Variants in CDH8 observed in about 807,000 individuals in gnomAD.
CDH8 encodes the protein cadherin-8.
In CDH8, 17 loss-of-function variants were observed where a neutral mutation model predicts 68.1. The observed-to-expected ratio is 0.25, with a 90% confidence interval of 0.17 to 0.37. The LOEUF (loss-of-function observed/expected upper bound fraction) is 0.37. CDH8 is among the 10% of genes least tolerant of loss of function. The probability of loss-of-function intolerance (pLI) is 1.00; values close to 1 mark genes in which losing one functional copy is unlikely to be tolerated. For missense variants in CDH8, 763 were observed against 999.3 expected (o/e 0.76, Z 3.19); for synonymous variants, 372 against 365.1 (o/e 1.02, Z -0.21).
chr16:61,978,429 G>C (rs1965477178), intron 2 of CDH8, among the ~76,000 whole-genome samples: 1 of 152,092 alleles, frequency 6.6e-6, no homozygotes, highest in South Asian at 2.1e-4. Flanking sequence ...TTTTGTTTTT[G>C]TATAGCAAAC....
At chr16:61,911,197 T>G (rs80211844) in intron 2 of CDH8, among the ~76,000 whole-genome samples, 2 of 151,932 alleles carry the variant, frequency 1.3e-5, no homozygotes, top group South Asian at 4.2e-4. Context: ...AATGGATGGA[T>G]AGATAGATGG....
chr16:61,825,717 CTT>C (rs1962316860), intron 4 of CDH8, among the ~76,000 whole-genome samples: 1 of 151,808 alleles, frequency 6.6e-6, no homozygotes, highest in South Asian at 2.1e-4. Context: ...AGTCAAGTGT[CTT>C]AAGTTCTAAT....
intron 2 of CDH8, among the ~76,000 whole-genome samples, chr16:61,964,173 A>G (rs1176833452): frequency 6.6e-6 from 1 of 152,254 alleles, no homozygotes; most frequent in Non-Finnish European, 1.5e-5. Flanking sequence ...AAATGTCTAA[A>G]GACCAAAACA....
chr16:61,710,824 G>A (rs937558324), intron 10 of CDH8: 2 of 151,900 alleles, frequency 1.3e-5, no homozygotes, highest in African/African-American at 4.8e-5. Context: ...AGATATTTTA[G>A]AATCTCTAAA....
intron 8 of CDH8, among the ~76,000 whole-genome samples, chr16:61,738,323 G>A (rs1040970943): frequency 1.3e-5 from 2 of 152,022 alleles, no homozygotes; most frequent in African/African-American, 2.4e-5. Flanking sequence ...TATTACATTC[G>A]TCTTCAGTGA....
At chr16:61,794,108 A>G (rs1435813799) in intron 7 of CDH8, among the ~76,000 whole-genome samples, 1 of 152,200 alleles carries the variant, frequency 6.6e-6, no homozygotes, top group South Asian at 2.1e-4. Flanking sequence ...AAAGCCAGAG[A>G]ATAAAAGCTT....
chr16:61,676,308 A>G (rs1963909795), intron 10 of CDH8, among the ~76,000 whole-genome samples: 1 of 151,836 alleles, frequency 6.6e-6, no homozygotes, highest in Non-Finnish European at 1.5e-5. Context: ...AGGAAGCTGA[A>G]GTGGCTATAT....
intron 2 of CDH8, among the ~76,000 whole-genome samples, chr16:62,010,964 C>G (rs1901795895): frequency 6.6e-6 from 1 of 151,234 alleles, no homozygotes; most frequent in South Asian, 2.1e-4. Flanking sequence ...AACAAACCCT[C>G]TTTTTCTCCC....
chr16:61,682,295 T>G (rs966849791), intron 10 of CDH8, among the ~76,000 whole-genome samples: 1 of 151,932 alleles, frequency 6.6e-6, no homozygotes, highest in Admixed American at 6.6e-5. Flanking sequence ...ATAGTAATTT[T>G]ATTGTATTTT....
At chr16:61,818,279 G>A (rs189805931) in intron 6 of CDH8, among the ~76,000 whole-genome samples, 79 of 152,078 alleles carry the variant, frequency 5.2e-4, no homozygotes, top group African/African-American at 1.8e-3. Flanking sequence ...TTAAAGCATT[G>A]CTACTCTACT....
At chr16:61,782,953 A>T (rs1487517121) in intron 8 of CDH8, among the ~76,000 whole-genome samples, 5 of 151,938 alleles carry the variant, frequency 3.3e-5, no homozygotes, top group Non-Finnish European at 5.9e-5. Flanking sequence ...CCATCATCAA[A>T]GACCAAAAGT....
At chr16:62,014,546 CA>C (rs1234608550) in intron 2 of CDH8, among the ~76,000 whole-genome samples, 2 of 152,126 alleles carry the variant, frequency 1.3e-5, no homozygotes, top group African/African-American at 4.8e-5. Context: ...AAACAGCCAG[CA>C]AAAAATAATG....
intron 3 of CDH8, among the ~76,000 whole-genome samples, chr16:61,875,396 G>A (rs1963441346): frequency 6.6e-6 from 1 of 152,028 alleles, no homozygotes; most frequent in Non-Finnish European, 1.5e-5. Context: ...CAAACTCTGA[G>A]GGCAAGACCC....
At chr16:61,712,751 T>G (rs1428284316) in intron 10 of CDH8, among the ~76,000 whole-genome samples, 1 of 151,676 alleles carries the variant, frequency 6.6e-6, no homozygotes, top group Non-Finnish European at 1.5e-5. Flanking sequence ...GTAATATCTA[T>G]ATAACAACTG....
At chr16:61,912,631 C>T (rs544637042) in intron 2 of CDH8, among the ~76,000 whole-genome samples, 1 of 152,164 alleles carries the variant, frequency 6.6e-6, no homozygotes, top group Non-Finnish European at 1.5e-5. Flanking sequence ...TCTCAAACAT[C>T]CTTCCTTTTG....
chr16:61,652,808 A>T lies in CDH8; in HGVS notation c.*800T>A. On this transcript the variant is annotated 3_prime_UTR_variant, in exon 12 of 12. Transcript: ENST00000577390. ...AAATTCACGCGCTAGCAATAAAACCATCTGTCTCTTATGTAGTCCACTGTG... is the reference window on the plus strand; with the variant it reads ...AAATTCACGCGCTAGCAATAAAACCTTCTGTCTCTTATGTAGTCCACTGTG... 1 of 1,386,048 alleles carries T rather than the reference A, an allele frequency of 7.2e-7. No individual in the cohort carries two copies. Among genetic ancestry groups the T allele is most frequent in the Non-Finnish European group, 9.4e-7 (1 of 1,066,706 alleles). The allele number at this position is 1,386,048 out of a possible 1,614,324, so 85.9% of individuals were successfully genotyped here.
At chr16:61,751,232 T>C (rs932867937) in intron 8 of CDH8, among the ~76,000 whole-genome samples, 1 of 151,826 alleles carries the variant, frequency 6.6e-6, no homozygotes, top group African/African-American at 2.4e-5. Flanking sequence ...TTCAAATCTC[T>C]TGCAGTTATG....
At position 61,702,289 on chromosome 16, in the gene CDH8, G is replaced by A. The variant is rs530885287; in HGVS notation, c.1654+11552C>T. Among the ~76,000 whole-genome samples the A allele has an allele frequency of 3.9e-5, 6 of 152,164 alleles. No individual in the cohort carries two copies. In the South Asian group the frequency reaches 1.2e-3, roughly 32 times the overall value. ...TAGGAGGCTGAGGCAGGAGAATGGC[G>A]TGAGCCCGGGAGGCGGAGCTTGCAG... On this transcript the variant is annotated intron_variant, in intron 10 of 11. Transcript: ENST00000577390.
At chr16:62,018,513 C>G (rs1342901227) in intron 2 of CDH8, among the ~76,000 whole-genome samples, 1 of 152,046 alleles carries the variant, frequency 6.6e-6, no homozygotes, top group African/African-American at 2.4e-5. Flanking sequence ...GGTGGGCACC[C>G]CGATTCAGAT....
Sources: gnomAD v4.1 joint callset for allele counts (sites outside exome capture counted in the v4.1 genomes callset) on GRCh38, gnomAD v4.1.1 for gene constraint, MANE v1.5 for transcripts, NCBI Gene and HGNC (gene_info 2026-07-23, HGNC 2026-07-21) for gene names.